ACOX3: variants seen among roughly 807,000 people sequenced by gnomAD.
ACOX3 encodes peroxisomal acyl-coenzyme A oxidase 3.
In ACOX3, 73 loss-of-function variants were observed where a neutral mutation model predicts 81.5. The observed-to-expected ratio is 0.90, with a 90% CI of 0.74 to 1.09. The LOEUF is 1.09. Among genes scored for constraint, ACOX3 ranks in the 50% least tolerant of loss-of-function variants. ACOX3 has a pLI of 0.00. For missense variants in ACOX3, 947 were observed against 928.0 expected, an observed-to-expected ratio of 1.02 and a Z score of -0.27; for synonymous variants, 387 against 375.1, an observed-to-expected ratio of 1.03 and a Z score of -0.37.
At chr4:8,374,517 G>A (rs889323407) in intron 15 of ACOX3, 1 of 156,886 alleles carries the variant, frequency 6.4e-6, no homozygotes, top group Non-Finnish European at 1.4e-5. Flanking sequence ...AGCTTCCTGG[G>A]GGGCAAAGAC....
chr4:8,440,649 C>T lies in ACOX3; in HGVS notation c.-16G>A, dbSNP rs934014107. 30 of 729,832 alleles carry T rather than the reference C, an allele frequency of 4.1e-5. No homozygotes were observed. The Admixed American group carries it at 6.6e-4, about 16-fold the overall frequency. 45.2% of individuals were successfully genotyped at this position (729,832 alleles called of 1,614,324 possible). On this transcript the variant is annotated splice_region_variant and 5_prime_UTR_variant, in exon 1 of 18. Transcript: ENST00000356406. ...TAAAACACAGGTCAAATTCCTCACCCACACACTCCACAGTTCAACCCCTGC... is the reference window on the plus strand; with the variant it reads ...TAAAACACAGGTCAAATTCCTCACCTACACACTCCACAGTTCAACCCCTGC...
Position 8,370,900 on chromosome 4 carries a change from C to T in ACOX3, c.1983+8G>A, listed in dbSNP as rs772868863. 6.2e-7 allele frequency: 1 copy of T among 1,613,360 alleles called. No individual in the cohort carries two copies. The highest frequency in any genetic ancestry group is 1.1e-5 in the South Asian group (1 of 91,066). On this transcript the variant is annotated splice_region_variant and intron_variant, in intron 17 of 17. Coordinates refer to ENST00000356406, the MANE Select transcript of ACOX3 (RefSeq NM_003501.3). This position sits in a 1 kb window ranked among gnomAD's most constrained non-coding sequence, Gnocchi z 6.3. ...GGGCACTCCCGTGAGGCCCTGTCCT[C>T]CCTTTACCTCGCCGTCGGCTCTGCC...
chr4:8,426,073 C>T (rs573205525), intron 1 of ACOX3, among the ~76,000 whole-genome samples: 6 of 152,244 alleles, frequency 3.9e-5, no homozygotes, highest in African/African-American at 9.6e-5. Flanking sequence ...TTAGCCCATA[C>T]GAAATGCTGT....
chr4:8,429,284 C>T (rs1723802611), intron 1 of ACOX3, among the ~76,000 whole-genome samples: 1 of 152,214 alleles, frequency 6.6e-6, no homozygotes, highest in Non-Finnish European at 1.5e-5. Context: ...AAAGTTCTCT[C>T]GGCCCCGAAG....
intron 13 of ACOX3, among the ~76,000 whole-genome samples, chr4:8,383,268 G>A (rs931509945): frequency 6.6e-6 from 1 of 152,238 alleles, no homozygotes; most frequent in Non-Finnish European, 1.5e-5. Flanking sequence ...CATCTTCAGG[G>A]AGCCAAGGCT....
At position 8,389,703 on chromosome 4, in the gene ACOX3, G is replaced by A. The variant is rs748272279; in HGVS notation, c.1332C>T (p.Asn444=). The A allele has an allele frequency of 6.8e-6, 11 of 1,613,886 alleles. No homozygotes were observed. The Admixed American group carries it at 8.3e-5, about 12-fold the overall frequency. The change falls in exon 12 of 18, where the codon AAC becomes AAT. Residue 444 remains asparagine (N), a synonymous_variant. Transcript: ENST00000356406. This position sits in a 1 kb window ranked among gnomAD's most constrained non-coding sequence, Gnocchi z 5.3. ...CACCTTCGTATGTGCAGTTGGGATC[G>A]TTGTCATCTCTAAGGACACCCAACC... The part of the protein sequence containing the change: ...MNRLGVLRDD[N]DPNCTYEGDN...
At position 8,394,852 on chromosome 4, in the gene ACOX3, C is replaced by T. The variant is rs558416442; in HGVS notation, c.1057-110G>A. On this transcript the variant is annotated intron_variant, in intron 9 of 17. Transcript: ENST00000356406. This position sits in a 1 kb window ranked among gnomAD's most constrained non-coding sequence, Gnocchi z 5.9. The stretch of plus-strand genomic sequence containing the variant: ...GGAGAGGCCGTCAGGGCCACACACC[C>T]ACTAGCGCTGAAGGTCTTCACATGT... 1.4e-6 allele frequency: 2 copies of T among 1,396,348 alleles called. No individual in the cohort carries two copies. Among genetic ancestry groups the T allele is most frequent in the South Asian group, 2.8e-5 (2 of 70,314 alleles). 86.5% of individuals were successfully genotyped at this position (1,396,348 alleles called of 1,614,324 possible).
chr4:8,379,525 C>A (rs202112183), intron 14 of ACOX3, among the ~76,000 whole-genome samples: 1 of 152,212 alleles, frequency 6.6e-6, no homozygotes, highest in Non-Finnish European at 1.5e-5. Flanking sequence ...CGCAGCCCTC[C>A]GTGAAATTCT....
At position 8,423,018 on chromosome 4, in the gene ACOX3, G is replaced by A. The variant is rs1031102948; in HGVS notation, c.-14-6483C>T. On this transcript the variant is annotated intron_variant, in intron 1 of 17. Coordinates refer to ENST00000356406, the MANE Select transcript of ACOX3 (RefSeq NM_003501.3). The surrounding 1 kb of genome is among the most constrained non-coding windows in gnomAD (Gnocchi z 4.2). ...AGGACTGAGGGTGCCCGGGGCAAGC[G>A]CCAGCCCATGCCCCAGGTATGCTTG... is the stretch of plus-strand genomic sequence containing the variant. 1.4e-4 allele frequency among the ~76,000 whole-genome samples: 21 copies of A among 152,170 alleles called. No homozygotes were observed. The highest frequency in any genetic ancestry group is 5.8e-4 in the East Asian group (3 of 5,190).
rs371422703 is a variant in ACOX3 at position 8,394,634 on chromosome 4, G to A, written c.1165C>T (p.Arg389Cys). The A allele has an allele frequency of 5.8e-5, 94 of 1,613,544 alleles. No homozygotes were observed. Among genetic ancestry groups the A allele is most frequent in the Non-Finnish European group, 7.2e-5 (85 of 1,179,976 alleles). The change falls in exon 10 of 18, where the codon CGC (arginine) becomes TGC (cysteine). Residue 389 changes from arginine (R) to cysteine (C), a missense_variant. Physicochemically the swap from Arg to Cys is radical, Grantham distance 180. Transcript: ENST00000356406. This position sits in a 1 kb window ranked among gnomAD's most constrained non-coding sequence, Gnocchi z 5.9. Reference protein sequence around the residue: ...ELQRGLASGDRSARQAELGRE... With the variant: ...ELQRGLASGDCSARQAELGRE... ...CACCACCTCACCTGTCTGGCGCTGCGGTCTCCCGATGCAAGTCCTCGCTGG... is the reference window on the plus strand; with the variant it reads ...CACCACCTCACCTGTCTGGCGCTGCAGTCTCCCGATGCAAGTCCTCGCTGG...
chr4:8,431,509 C>T lies in ACOX3; in HGVS notation c.-15+9139G>A, dbSNP rs865820425. Among the ~76,000 whole-genome samples, 1 of 152,168 alleles carries T rather than the reference C, an allele frequency of 6.6e-6. No homozygotes were observed. The highest frequency in any genetic ancestry group is 6.5e-5 in the Admixed American group (1 of 15,282). On this transcript the variant is annotated intron_variant, in intron 1 of 17. Transcript: ENST00000356406. This position sits in a 1 kb window ranked among gnomAD's most constrained non-coding sequence, Gnocchi z 5.3. ...GGGAGGTAGGAAGAGAGGAAGGGGT[C>T]GTGCTACACTCTGTTGTATTTGGGA...
chr4:8,373,605 C>A lies in ACOX3; in HGVS notation c.1852G>T (p.Ala618Ser). 6.2e-7 allele frequency: 1 copy of A among 1,613,358 alleles called. No homozygotes were observed. Among genetic ancestry groups the A allele is most frequent in the South Asian group, 1.1e-5 (1 of 90,854 alleles). ...ACGGCGCTCTCCAACACTTCTCCCGCCTGCTCACCGGAGAAGTATCCTCCT... is the reference window on the plus strand; with the variant it reads ...ACGGCGCTCTCCAACACTTCTCCCGACTGCTCACCGGAGAAGTATCCTCCT... ...YRGGYFSGEQAGEVLESAVLA... is the reference protein window; with the variant it reads ...YRGGYFSGEQSGEVLESAVLA... The change falls in exon 16 of 18, where the codon GCG becomes TCG. Residue 618 changes from alanine (A) to serine (S), a missense_variant. Physicochemically the swap from Ala to Ser is moderately conservative, Grantham distance 99 (BLOSUM62 1). Transcript: ENST00000356406.
chr4:8,366,311 G>C lies in ACOX3; in HGVS notation c.*650C>G, dbSNP rs1715440269. ...CAATAAAGTGATTTGTATATAACTG[G>C]CGGCAGGGGGAGGGGGGCGGTTGGA... On this transcript the variant is annotated 3_prime_UTR_variant, in exon 18 of 18. Coordinates refer to ENST00000356406, the MANE Select transcript of ACOX3 (RefSeq NM_003501.3). 6.6e-6 allele frequency: 1 copy of C among 152,572 alleles called. No individual in the cohort carries two copies. The highest frequency in any genetic ancestry group is 2.4e-5 in the African/African-American group (1 of 41,436). The allele number at this position is 152,572 out of a possible 1,614,324, so 9.5% of individuals were successfully genotyped here. A position where few individuals can be genotyped will look rare whatever the true frequency, so the allele number is the denominator to read the frequency against.
rs1720260174 is a variant in ACOX3 at position 8,400,564 on chromosome 4, G to A, written c.777-912C>T. Among the ~76,000 whole-genome samples, 1 of 152,174 alleles carries A rather than the reference G, an allele frequency of 6.6e-6. No individual in the cohort carries two copies. Among genetic ancestry groups the A allele is most frequent in the African/African-American group, 2.4e-5 (1 of 41,430 alleles). On this transcript the variant is annotated intron_variant, in intron 7 of 17. Coordinates refer to ENST00000356406, the MANE Select transcript of ACOX3 (RefSeq NM_003501.3). The surrounding 1 kb of genome is among the most constrained non-coding windows in gnomAD (Gnocchi z 4.4). ...CACACACATTGTTATGGATCATGAT[G>A]TATTAATAACCAAAGATACCTGTTA... is the stretch of plus-strand genomic sequence containing the variant.
rs957191678 is a variant in ACOX3 at position 8,394,859 on chromosome 4, G to A, written c.1057-117C>T. On this transcript the variant is annotated intron_variant, in intron 9 of 17. Coordinates refer to ENST00000356406, the MANE Select transcript of ACOX3 (RefSeq NM_003501.3). The surrounding 1 kb of genome is among the most constrained non-coding windows in gnomAD (Gnocchi z 5.9). ...CCGTCAGGGCCACACACCCACTAGC[G>A]CTGAAGGTCTTCACATGTCTTCCCG... The A allele has an allele frequency of 3.0e-5, 40 of 1,337,420 alleles. No homozygotes were observed. Among genetic ancestry groups the A allele is most frequent in the Non-Finnish European group, 3.4e-5 (34 of 999,158 alleles). The allele number at this position is 1,337,420 out of a possible 1,614,324, so 82.8% of individuals were successfully genotyped here. A position where few individuals can be genotyped will look rare whatever the true frequency, so the allele number is the denominator to read the frequency against.
At position 8,411,043 on chromosome 4, in the gene ACOX3, G is replaced by A. The variant is rs541445511; in HGVS notation, c.544-688C>T. 5.3e-5 allele frequency among the ~76,000 whole-genome samples: 8 copies of A among 152,342 alleles called. No individual in the cohort carries two copies. The East Asian group carries it at 1.5e-3, about 30-fold the overall frequency. ...CGTGGGAACAGGCAGGAGCTGGGCC[G>A]CTGGGGCTGGGCCTGCCCCAGGGGC... On this transcript the variant is annotated intron_variant, in intron 5 of 17. Transcript: ENST00000356406.
At chr4:8,409,209 T>G (rs781073600) in intron 6 of ACOX3, among the ~76,000 whole-genome samples, 2 of 152,228 alleles carry the variant, frequency 1.3e-5, no homozygotes, top group Non-Finnish European at 1.5e-5. Flanking sequence ...TTCATCGAAA[T>G]TGAAAAACTT....
rs959821630 is a variant in ACOX3, at chr4:8,384,876, C to T, written c.1538-3269G>A. ...CGCCGCTCTGGTGCTCCTGAATGGC[C>T]GGTGCTCCCCAAAAGCACAACGCAC... On this transcript the variant is annotated intron_variant, in intron 13 of 17. Coordinates refer to ENST00000356406, the MANE Select transcript of ACOX3 (RefSeq NM_003501.3). This position sits in a 1 kb window ranked among gnomAD's most constrained non-coding sequence, Gnocchi z 5.3. Among the ~76,000 whole-genome samples, 1 of 152,196 alleles carries T rather than the reference C, an allele frequency of 6.6e-6. No homozygotes were observed. Among genetic ancestry groups the T allele is most frequent in the African/African-American group, 2.4e-5 (1 of 41,446 alleles).
At chr4:8,371,102 C>T (rs1578849318) in intron 16 of ACOX3, 108 bp from the exon 17 acceptor site, 4 of 978,120 alleles carry the variant, frequency 4.1e-6, no homozygotes, top group South Asian at 1.4e-5. Flanking sequence ...CAACGGGTCA[C>T]CTGAGCGGCA....
Sources: gnomAD v4.1 joint callset for allele counts (sites outside exome capture counted in the v4.1 genomes callset) on GRCh38, gnomAD v4.1.1 for gene constraint, Gnocchi (gnomAD v3.1) non-coding constraint, MANE v1.5 for transcripts, NCBI Gene and HGNC (gene_info 2026-07-23, HGNC 2026-07-21) for gene names.